VMA22: variants seen among roughly 807,000 people sequenced by gnomAD.
VMA22 encodes vacuolar ATPase assembly factor VMA22.
the VMA22 span, chr2:130,342,129 C>T: frequency 6.2e-7 from 1 of 1,613,526 alleles, no homozygotes. Flanking sequence ...CCGCCATGGA[C>T]ACACCTCCAG....
the VMA22 span, chr2:130,341,709 C>G: frequency 6.2e-7 from 1 of 1,611,748 alleles, no homozygotes; most frequent in East Asian, 2.2e-5. Flanking sequence ...TGGACACCAG[C>G]TCTCACCACC....
At chr2:130,342,128 A>G in the VMA22 span, 1 of 1,613,344 alleles carries the variant, frequency 6.2e-7, no homozygotes, top group South Asian at 1.1e-5. Context: ...GCCGCCATGG[A>G]CACACCTCCA....
At chr2:130,338,688 T>C in the VMA22 span, 2 of 163,360 alleles carry the variant, frequency 1.2e-5, no homozygotes. Context: ...TCAAGTCATA[T>C]TGTCCTGATC....
At chr2:130,340,726 G>A in the VMA22 span, 497 of 666,226 alleles carry the variant, frequency 7.5e-4, 5 homozygotes, top group East Asian at 0.012. Context: ...GCATGAACCC[G>A]AATGCTGCCA....
At chr2:130,339,249 A>G in the VMA22 span, 2 of 1,605,468 alleles carry the variant, frequency 1.2e-6, 1 homozygote, top group South Asian at 2.2e-5. Context: ...GAAAGGAGAG[A>G]AGGTCACCAT....
the VMA22 span, chr2:130,342,552 TAC>T: frequency 7.4e-5 from 34 of 460,230 alleles, no homozygotes; most frequent in African/African-American, 4.5e-4. Context: ...GTGCGGTTTT[TAC>T]AGTTGAACTG....
At chr2:130,341,638 G>A in the VMA22 span, 1 of 1,574,676 alleles carries the variant, frequency 6.4e-7, no homozygotes, top group Non-Finnish European at 8.7e-7. Context: ...CACTGGGAAG[G>A]GGTTCTGCAG....
chr2:130,342,197 C>T, the VMA22 span: 10 of 1,577,472 alleles, frequency 6.3e-6, no homozygotes, highest in Non-Finnish European at 8.6e-6. Context: ...AGCCAATAGG[C>T]ACACGAGATC....
the VMA22 span, chr2:130,342,101 C>G: frequency 1.9e-6 from 3 of 1,613,828 alleles, no homozygotes; most frequent in Non-Finnish European, 1.7e-6. Flanking sequence ...GAATCCAGCT[C>G]CGCTCGCAGG....
chr2:130,341,821 C>CCCCCCCCCGG, the VMA22 span: 1 of 1,558,164 alleles, frequency 6.4e-7, no homozygotes. Flanking sequence ...CCACCCAGCC[C>CCCCCCCCCGG]AGCATGGAAG....
the VMA22 span, chr2:130,341,801 G>GGGCGCC: frequency 7.3e-7 from 1 of 1,378,140 alleles, no homozygotes; most frequent in Non-Finnish European, 9.9e-7. Flanking sequence ...CCTAGAACGC[G>GGGCGCC]CCCGCCCGCC....
At chr2:130,339,383 G>T in the VMA22 span, 2 of 1,376,242 alleles carry the variant, frequency 1.5e-6, no homozygotes, top group African/African-American at 1.5e-5. Flanking sequence ...TGCATTGGCT[G>T]CTCCAGAACC....
At chr2:130,339,118 T>A in the VMA22 span, 1 of 1,611,114 alleles carries the variant, frequency 6.2e-7, no homozygotes, top group South Asian at 1.1e-5. Context: ...TTTGCGCGCA[T>A]GTCAGGCAGC....
At chr2:130,341,547 C>G in the VMA22 span, 1 of 826,082 alleles carries the variant, frequency 1.2e-6, no homozygotes, top group Non-Finnish European at 1.9e-6. Flanking sequence ...CAAAAACATT[C>G]TGTTCTTCTG....
chr2:130,341,084 C>A, the VMA22 span: 13 of 1,524,546 alleles, frequency 8.5e-6, no homozygotes, highest in Admixed American at 2.2e-5. Context: ...TACTCCCTGA[C>A]CTTTATCATC....
At chr2:130,339,075 G>T in the VMA22 span, 2 of 1,452,104 alleles carry the variant, frequency 1.4e-6, no homozygotes, top group Non-Finnish European at 1.9e-6. Flanking sequence ...ACGTAGCCAT[G>T]TCGGAGAACA....
chr2:130,342,493 G>C, the VMA22 span: 1 of 495,032 alleles, frequency 2.0e-6, no homozygotes, highest in South Asian at 3.3e-5. Flanking sequence ...AGGGAAGAGT[G>C]GTTTTAAAGT....
chr2:130,339,751 C>G, the VMA22 span: 3 of 1,303,974 alleles, frequency 2.3e-6, no homozygotes, highest in Admixed American at 6.9e-5. Flanking sequence ...CTCTTCTTGG[C>G]CTCCAGGACA....
chr2:130,342,369 T>C, the VMA22 span: 1 of 677,114 alleles, frequency 1.5e-6, no homozygotes, highest in South Asian at 1.9e-5. Flanking sequence ...TGCTGAACTG[T>C]CGGCTAGGGT....
Sources: allele counts gnomAD v4.1 joint callset, GRCh38; gene constraint gnomAD v4.1.1; transcripts MANE v1.5; gene names NCBI Gene and HGNC (gene_info 2026-07-23, HGNC 2026-07-21).